The following ADARB2 variants were observed in gnomAD, a reference collection of about 807,000 sequenced individuals.
The protein encoded by ADARB2 is adenosine deaminase RNA specific B2 (inactive), also known as inactive double-stranded RNA-specific editase B2.
A neutral mutation model predicts 62.2 loss-of-function variants in ADARB2; 25 were observed. The ratio of observed to expected loss-of-function variants is 0.40; its 90% CI spans 0.29 to 0.56. ADARB2 has a LOEUF of 0.56. ADARB2 is among the 20% of genes least tolerant of loss of function. ADARB2 has a pLI of 0.43. For missense variants in ADARB2, 1,071 were observed against 1,077.4 expected (o/e 0.99, Z 0.08); for synonymous variants, 572 against 500.8 (o/e 1.14, Z -1.90).
At chr10:1,351,065 C>G (rs1327729127) in intron 3 of ADARB2, among the ~76,000 whole-genome samples, 1 of 152,152 alleles carries the variant, frequency 6.6e-6, no homozygotes, top group Non-Finnish European at 1.5e-5. Context: ...ATGCCCGCAA[C>G]CCAGGATTCC....
chr10:1,500,575 C>T (rs1210648063), intron 1 of ADARB2, among the ~76,000 whole-genome samples: 1 of 152,118 alleles, frequency 6.6e-6, no homozygotes, highest in Non-Finnish European at 1.5e-5. Flanking sequence ...TCATAAACAC[C>T]TACAGCACAA....
intron 1 of ADARB2, among the ~76,000 whole-genome samples, chr10:1,716,409 T>C (rs1334492556): frequency 6.6e-6 from 1 of 152,268 alleles, no homozygotes; most frequent in Non-Finnish European, 1.5e-5. Context: ...TGTAGATTAC[T>C]TGGTAGACAG....
chr10:1,199,956 G>C lies in ADARB2; in HGVS notation c.1864+10C>G, dbSNP rs371569939. The C allele has an allele frequency of 6.6e-7, 1 of 1,522,244 alleles. No individual in the cohort carries two copies. 94.3% of individuals were successfully genotyped at this position (1,522,244 alleles called of 1,614,324 possible). On this transcript the variant is annotated intron_variant, in intron 8 of 9. Coordinates refer to ENST00000381312, the MANE Select transcript of ADARB2 (RefSeq NM_018702.4). ...AGGAGGTGGAGGGCCCCCGGGAAGGGGGTTCTTACCGCTGAGGAGAGGCCG... is the reference window on the plus strand; with the variant it reads ...AGGAGGTGGAGGGCCCCCGGGAAGGCGGTTCTTACCGCTGAGGAGAGGCCG...
intron 1 of ADARB2, among the ~76,000 whole-genome samples, chr10:1,658,042 C>A (rs1834194260): frequency 1.0e-5 from 1 of 100,450 alleles, no homozygotes; most frequent in Admixed American, 1.1e-4. Flanking sequence ...GTCTGTGTAT[C>A]TCTTCTGTCT....
intron 3 of ADARB2, among the ~76,000 whole-genome samples, chr10:1,282,395 G>C (rs1045749915): frequency 7.9e-5 from 12 of 152,148 alleles, no homozygotes; most frequent in African/African-American, 2.9e-4. Flanking sequence ...CTGTGCCACA[G>C]GTATTTTAAG....
At chr10:1,191,655 A>G (rs1433520774) in intron 8 of ADARB2, among the ~76,000 whole-genome samples, 1 of 152,212 alleles carries the variant, frequency 6.6e-6, no homozygotes, top group Non-Finnish European at 1.5e-5. Context: ...CATGCAGCAT[A>G]TGGGCCATTC....
At chr10:1,519,195 G>A (rs568303667) in intron 1 of ADARB2, among the ~76,000 whole-genome samples, 3 of 151,342 alleles carry the variant, frequency 2.0e-5, no homozygotes, top group African/African-American at 4.9e-5. Flanking sequence ...GTGGTCATAC[G>A]CCTATATTCC....
chr10:1,522,145 A>G (rs1287377047), intron 1 of ADARB2, among the ~76,000 whole-genome samples: 1 of 152,184 alleles, frequency 6.6e-6, no homozygotes, highest in Non-Finnish European at 1.5e-5. Context: ...AATCATCATT[A>G]TTTTAGTGTT....
chr10:1,438,879 G>A (rs1210536625), intron 1 of ADARB2, among the ~76,000 whole-genome samples: 4 of 71,140 alleles, frequency 5.6e-5, no homozygotes, highest in Admixed American at 5.5e-4. Flanking sequence ...ATGGAGGCAG[G>A]TTCTTCACTA....
intron 1 of ADARB2, among the ~76,000 whole-genome samples, chr10:1,670,513 C>T (rs1483566325): frequency 2.0e-5 from 3 of 152,216 alleles, no homozygotes; most frequent in African/African-American, 7.2e-5. Flanking sequence ...AACTGAGTTA[C>T]CACTGGGAGC....
At chr10:1,535,227 A>T (rs2131963539) in intron 1 of ADARB2, among the ~76,000 whole-genome samples, 1 of 152,250 alleles carries the variant, frequency 6.6e-6, no homozygotes, top group Admixed American at 6.5e-5. Flanking sequence ...GGCAACACAG[A>T]CATCAGCTCT....
At chr10:1,436,694 CCATTT>C (rs1265701361) in intron 1 of ADARB2, among the ~76,000 whole-genome samples, 2 of 152,138 alleles carry the variant, frequency 1.3e-5, no homozygotes, top group African/African-American at 4.8e-5. Context: ...ACCTTAACTG[CCATTT>C]CAAGTTTTAC....
At chr10:1,456,801 T>C (rs1271647566) in intron 1 of ADARB2, among the ~76,000 whole-genome samples, 1 of 152,120 alleles carries the variant, frequency 6.6e-6, no homozygotes, top group African/African-American at 2.4e-5. Context: ...GATCAATTTG[T>C]GTTTTTCTTT....
At chr10:1,188,595 T>A (rs1836795986) in intron 8 of ADARB2, among the ~76,000 whole-genome samples, 1 of 146,216 alleles carries the variant, frequency 6.8e-6, no homozygotes, top group Non-Finnish European at 1.5e-5. Context: ...TCCTTTTTTT[T>A]TTTTTCTTCT....
intron 1 of ADARB2, among the ~76,000 whole-genome samples, chr10:1,468,955 G>A (rs4880509): frequency 6.6e-6 from 1 of 152,066 alleles, no homozygotes. Context: ...TTAGAACGTC[G>A]GGGTGTCTTG....
chr10:1,599,576 C>T (rs1833381375), intron 1 of ADARB2, among the ~76,000 whole-genome samples: 1 of 152,094 alleles, frequency 6.6e-6, no homozygotes, highest in Admixed American at 6.5e-5. Context: ...ATTCATGGTA[C>T]CAGAAAGGAC....
intron 1 of ADARB2, among the ~76,000 whole-genome samples, chr10:1,687,568 T>C (rs193214297): frequency 6.6e-6 from 1 of 151,676 alleles, no homozygotes; most frequent in African/African-American, 2.4e-5. Context: ...ATTGATTTTA[T>C]AAGAGATTAA....
At position 1,701,930 on chromosome 10, in the gene ADARB2, C is replaced by T. The variant is rs190295683; in HGVS notation, c.100+35121G>A. On this transcript the variant is annotated intron_variant, in intron 1 of 9. Coordinates refer to ENST00000381312, the MANE Select transcript of ADARB2 (RefSeq NM_018702.4). Reference sequence around the variant, plus strand: ...CCACTCCACCGGGAGACCAGGCGCTCGTCAATACATTCCATGGTATAGAGG... The same window carrying T: ...CCACTCCACCGGGAGACCAGGCGCTTGTCAATACATTCCATGGTATAGAGG... Among the ~76,000 whole-genome samples the T allele has an allele frequency of 4.6e-5, 7 of 152,136 alleles. No individual in the cohort carries two copies. In the East Asian group the frequency reaches 5.8e-4, roughly 13 times the overall value.
At chr10:1,265,394 G>T (rs1348102074) in intron 4 of ADARB2, among the ~76,000 whole-genome samples, 1 of 152,262 alleles carries the variant, frequency 6.6e-6, no homozygotes, top group Non-Finnish European at 1.5e-5. Context: ...TGGCTAGTAA[G>T]TATTGTAGGG....
Sources: gnomAD v4.1 joint callset for allele counts (sites outside exome capture counted in the v4.1 genomes callset) on GRCh38, gnomAD v4.1.1 for gene constraint, MANE v1.5 for transcripts, NCBI Gene and HGNC (gene_info 2026-07-23, HGNC 2026-07-21) for gene names.